The following LIMD2 variants were observed in gnomAD, a reference collection of about 807,000 sequenced individuals.
The protein encoded by LIMD2 is LIM domain-containing protein 2.
A neutral mutation model predicts 16.0 loss-of-function variants in LIMD2; 11 were observed. That is an observed-to-expected ratio of 0.69 (90% CI 0.43 to 1.14). LIMD2 has a LOEUF of 1.14. LIMD2 is among the 50% of genes most tolerant of loss of function. The pLI, the probability that LIMD2 is intolerant of heterozygous loss-of-function variation, is 0.00. For missense variants in LIMD2, 168 were observed against 165.8 expected (o/e 1.01, Z -0.07); for synonymous variants, 60 against 67.1 (o/e 0.89, Z 0.52).
chr17:63,698,589 GC>G lies in LIMD2; in HGVS notation c.346del (p.Ala116ProfsTer155). On this transcript the variant is annotated frameshift_variant, in exon 5 of 5. Coordinates refer to ENST00000259006, the MANE Select transcript of LIMD2 (RefSeq NM_030576.4). LOFTEE classifies it high-confidence loss of function. ...GGTGCCGGGGTCCACCTCCTTGTGG[GC>G]CCAGAGCTCCTTGTGCTGCTTGCGG... ...FGRKQHKELW[A>X]HKEVDPGTKT... 1 of 1,613,832 alleles carries G rather than the reference GC, an allele frequency of 6.2e-7. No homozygotes were observed. The highest frequency in any genetic ancestry group is 8.5e-7 in the Non-Finnish European group (1 of 1,180,018).
At chr17:63,699,405 G>A (rs549942320) in intron 1 of LIMD2, 57 bp from the exon 2 acceptor site, 5 of 1,465,880 alleles carry the variant, frequency 3.4e-6, no homozygotes, top group South Asian at 1.4e-5. Flanking sequence ...CCTGCAGGGT[G>A]GGGGGTGTTG....
In LIMD2 at chr17:63,698,106, TC is replaced by T. The variant is rs1568161927; in HGVS notation, c.*445del. 1 of 176,564 alleles carries T rather than the reference TC, an allele frequency of 5.7e-6. No individual in the cohort carries two copies. The allele number at this position is 176,564 out of a possible 1,614,324, so 10.9% of individuals were successfully genotyped here. Reference sequence around the variant, plus strand: ...CAACAGGTGGCACTGTCGCGCTCCTTCCTCCCTGTCTCCGTGGCTCAGAAAC... The same window carrying T: ...CAACAGGTGGCACTGTCGCGCTCCTTCTCCCTGTCTCCGTGGCTCAGAAAC... On this transcript the variant is annotated 3_prime_UTR_variant, in exon 5 of 5. Transcript: ENST00000259006.
chr17:63,698,760 TTGGCAGGC>T (rs1183134248), intron 4 of LIMD2, 31 bp downstream of exon 4: 1 of 1,612,530 alleles, frequency 6.2e-7, no homozygotes, highest in Non-Finnish European at 8.5e-7. Flanking sequence ...CGGGGCTGGG[TTGGCAGGC>T]GAGGCGGGGG....
rs2035747371 is a variant in LIMD2 at position 63,699,304 on chromosome 17, G to C, written c.-6C>G. ...GCTCCTGCAGCCTGGAACATGGCTCGTTGGAGGTGGAAGCCTCGGGTGGAG... is the reference window on the plus strand; with the variant it reads ...GCTCCTGCAGCCTGGAACATGGCTCCTTGGAGGTGGAAGCCTCGGGTGGAG... On this transcript the variant is annotated 5_prime_UTR_variant, in exon 2 of 5. Coordinates refer to ENST00000259006, the MANE Select transcript of LIMD2 (RefSeq NM_030576.4). 1.9e-6 allele frequency: 3 copies of C among 1,605,238 alleles called. No homozygotes were observed. The highest frequency in any genetic ancestry group is 1.7e-4 in the Middle Eastern group (1 of 5,996).
At chr17:63,699,556 C>A in intron 1 of LIMD2, 1 of 486,022 alleles carries the variant, frequency 2.1e-6, no homozygotes, top group Non-Finnish European at 3.5e-6. Context: ...CACCGTCCCT[C>A]GGAAGAACAA....
In LIMD2 at chr17:63,698,160, A is replaced by C. The variant is rs1042607072; in HGVS notation, c.*392T>G. On this transcript the variant is annotated 3_prime_UTR_variant, in exon 5 of 5. Coordinates refer to ENST00000259006, the MANE Select transcript of LIMD2 (RefSeq NM_030576.4). ...GTTAAGGGTAGAGGTAGATGGGGAG[A>C]CGTGGGGGCCACACAGTCTCCGGTG... The C allele has an allele frequency of 1.1e-4, 24 of 219,812 alleles. No individual in the cohort carries two copies. Among genetic ancestry groups the C allele is most frequent in the Non-Finnish European group, 1.9e-4 (21 of 107,908 alleles). The allele number at this position is 219,812 out of a possible 1,614,324, so 13.6% of individuals were successfully genotyped here.
upstream of LIMD2, chr17:63,700,244 C>T (rs1209671309): frequency 7.6e-6 from 6 of 786,350 alleles, no homozygotes; most frequent in Admixed American, 2.5e-4. The surrounding 1 kb of genome is among the most constrained non-coding windows in gnomAD (Gnocchi z 7.1). Flanking sequence ...GGCGCCGCCG[C>T]CGACCCCCCT....
rs776175713 is a variant in LIMD2, at chr17:63,698,514, C to T, written c.*38G>A. 23 of 1,605,882 alleles carry T rather than the reference C, an allele frequency of 1.4e-5. No individual in the cohort carries two copies. Among genetic ancestry groups the T allele is most frequent in the Non-Finnish European group, 1.8e-5 (21 of 1,176,744 alleles). On this transcript the variant is annotated 3_prime_UTR_variant, in exon 5 of 5. Coordinates refer to ENST00000259006, the MANE Select transcript of LIMD2 (RefSeq NM_030576.4). ...CTTCCCACCTTCCCCCTGCCGGCTC[C>T]AGGCCTTCCGCAGAGGGGGTGGAAG...
rs993213980 is a variant in LIMD2 at position 63,697,748 on chromosome 17, G to GC, written c.*803dup. On this transcript the variant is annotated 3_prime_UTR_variant, in exon 5 of 5. Coordinates refer to ENST00000259006, the MANE Select transcript of LIMD2 (RefSeq NM_030576.4). ...GTCGGGGCTGGCCCTGTCCCCCCAT[G>GC]CCCGCCCCATGGTGAGTCTGCACCC... The GC allele has an allele frequency of 4.3e-4, 65 of 152,392 alleles. No homozygotes were observed. Among genetic ancestry groups the GC allele is most frequent in the African/African-American group, 1.5e-3 (63 of 41,566 alleles). 9.4% of individuals were successfully genotyped at this position (152,392 alleles called of 1,614,324 possible). A position where few individuals can be genotyped will look rare whatever the true frequency, so the allele number is the denominator to read the frequency against.
chr17:63,698,597 C>G lies in LIMD2; in HGVS notation c.339G>C (p.Glu113Asp). 5 of 1,613,890 alleles carry G rather than the reference C, an allele frequency of 3.1e-6. No homozygotes were observed. The highest frequency in any genetic ancestry group is 1.6e-4 in the Middle Eastern group (1 of 6,062). Residue 113 changes from glutamate (E) to aspartate (D), a missense_variant, in exon 5 of 5, where the codon GAG (glutamate) becomes GAC (aspartate). By Grantham distance (45) the Glu-to-Asp change is conservative. Coordinates refer to ENST00000259006, the MANE Select transcript of LIMD2 (RefSeq NM_030576.4). ...GGTCCACCTCCTTGTGGGCCCAGAG[C>G]TCCTTGTGCTGCTTGCGGCCAAACC... ...DEGFGRKQHK[E>D]LWAHKEVDPG...
chr17:63,699,502 CA>C (rs1311932773), intron 1 of LIMD2, 154 bp from the exon 2 acceptor site: 1 of 644,782 alleles, frequency 1.6e-6, no homozygotes, highest in African/African-American at 1.9e-5. Flanking sequence ...GCCCCTCACC[CA>C]CCTCCCCCAC....
intron 1 of LIMD2, chr17:63,699,586 GC>G (rs2035753115): frequency 2.5e-6 from 1 of 396,172 alleles, no homozygotes; most frequent in Non-Finnish European, 4.4e-6. Context: ...GAGCGGAGGG[GC>G]CGGGGGCTCC....
intron 1 of LIMD2, chr17:63,699,701 G>C (rs556702051): frequency 1.8e-3 from 761 of 413,064 alleles, no homozygotes; most frequent in Non-Finnish European, 2.4e-3. Flanking sequence ...ACCTGACCCC[G>C]GCCCTCGCTG....
At chr17:63,699,148 AG>A in intron 2 of LIMD2, 79 bp from the exon 3 acceptor site, 1 of 1,580,028 alleles carries the variant, frequency 6.3e-7, no homozygotes. Flanking sequence ...CCCAAGGCCC[AG>A]GGGCGCGCCG....
chr17:63,697,199 T>C lies in LIMD2; in HGVS notation c.*1353A>G, dbSNP rs781680207. 3.3e-5 allele frequency: 5 copies of C among 152,202 alleles called. No individual in the cohort carries two copies. The highest frequency in any genetic ancestry group is 7.3e-5 in the Non-Finnish European group (5 of 68,078). The allele number at this position is 152,202 out of a possible 1,614,324, so 9.4% of individuals were successfully genotyped here. Reference sequence around the variant, plus strand: ...GGTTTTCAGAGAAGCAGAGGTAGTTTCTCTTTGGATTTCCTGAGACAGTAG... The same window carrying C: ...GGTTTTCAGAGAAGCAGAGGTAGTTCCTCTTTGGATTTCCTGAGACAGTAG... On this transcript the variant is annotated 3_prime_UTR_variant, in exon 5 of 5. Coordinates refer to ENST00000259006, the MANE Select transcript of LIMD2 (RefSeq NM_030576.4).
In LIMD2 at chr17:63,697,790, C is replaced by T. The variant is rs2035714136; in HGVS notation, c.*762G>A. The T allele has an allele frequency of 6.6e-6, 1 of 152,372 alleles. No homozygotes were observed. Among genetic ancestry groups the T allele is most frequent in the South Asian group, 2.1e-4 (1 of 4,836 alleles). 9.4% of individuals were successfully genotyped at this position (152,372 alleles called of 1,614,324 possible). ...TCTGCACCCTTCCTGTGACAGATCC[C>T]CCAGCAGGCCACACAATAGAGAATC... On this transcript the variant is annotated 3_prime_UTR_variant, in exon 5 of 5. Transcript: ENST00000259006.
In LIMD2 at chr17:63,698,262, G is replaced by T; in HGVS notation, c.*290C>A. On this transcript the variant is annotated 3_prime_UTR_variant, in exon 5 of 5. Coordinates refer to ENST00000259006, the MANE Select transcript of LIMD2 (RefSeq NM_030576.4). ...GAAAAGGCACCTAGATAGGGGAGCTGGGCTTGGGGGCCTCCCAGGGGGTCC... is the reference window on the plus strand; with the variant it reads ...GAAAAGGCACCTAGATAGGGGAGCTTGGCTTGGGGGCCTCCCAGGGGGTCC... The T allele has an allele frequency of 2.2e-6, 1 of 458,092 alleles. No homozygotes were observed. Among genetic ancestry groups the T allele is most frequent in the Non-Finnish European group, 4.0e-6 (1 of 251,460 alleles). The allele number at this position is 458,092 out of a possible 1,614,324, so 28.4% of individuals were successfully genotyped here.
At chr17:63,700,753 G>C (rs2035773239), upstream of LIMD2, 3 of 151,470 alleles carry the variant, frequency 2.0e-5, no homozygotes. This position sits in a 1 kb window ranked among gnomAD's most constrained non-coding sequence, Gnocchi z 7.1. Context: ...GCGGCGTCCG[G>C]GCACGCGGTC....
At chr17:63,699,999 G>C (rs2035761245) in intron 1 of LIMD2, 33 bp downstream of exon 1, 1 of 983,806 alleles carries the variant, frequency 1.0e-6, no homozygotes, top group Non-Finnish European at 1.2e-6. Context: ...CGGTTCCGGA[G>C]CCGGACGCGG....
Sources: allele counts gnomAD v4.1 joint callset, GRCh38; gene constraint gnomAD v4.1.1; non-coding constraint Gnocchi (gnomAD v3.1); transcripts MANE v1.5; gene names NCBI Gene and HGNC (gene_info 2026-07-23, HGNC 2026-07-21).